The following SNN variants were observed in gnomAD, a reference collection of about 807,000 sequenced individuals.
SNN encodes AG8_1.
Under a neutral mutation model 5.3 loss-of-function variants are expected in SNN, and 5 were observed. That is an observed-to-expected ratio of 0.94 (90% CI 0.49 to 1.97). SNN has a LOEUF of 1.97. Ranked by LOEUF, SNN falls within the 30% of genes most tolerant of loss-of-function variation. The probability of loss-of-function intolerance (pLI) is 0.01; values close to 1 mark genes in which losing one functional copy is unlikely to be tolerated. For missense variants in SNN, 127 were observed against 121.6 expected (o/e 1.04, Z -0.21); for synonymous variants, 67 against 52.1 (o/e 1.29, Z -1.24).
rs1204367663 is a variant in SNN, at chr16:11,671,055, G to A, written c.-86+2515G>A. On this transcript the variant is annotated intron_variant, in intron 1 of 1. Transcript: ENST00000329565. This position sits in a 1 kb window ranked among gnomAD's most constrained non-coding sequence, Gnocchi z 4.7. The stretch of plus-strand genomic sequence containing the variant: ...CTGGGGAGGAGTGGCCAAGGGCGGT[G>A]CAGGCCCCCGCTCACCTGGCATGGC... 6.6e-6 allele frequency among the ~76,000 whole-genome samples: 1 copy of A among 152,268 alleles called. No homozygotes were observed. The highest frequency in any genetic ancestry group is 1.5e-5 in the Non-Finnish European group (1 of 68,046).
Position 11,668,955 on chromosome 16 carries a change from G to T in SNN, c.-86+415G>T, listed in dbSNP as rs1040374498. On this transcript the variant is annotated intron_variant, in intron 1 of 1. Transcript: ENST00000329565. The surrounding 1 kb of genome is among the most constrained non-coding windows in gnomAD (Gnocchi z 6.8). The stretch of plus-strand genomic sequence containing the variant: ...GGGGTCCAGGTGACGTCCGGCGCCC[G>T]TCTCGCGGGTAGGGAAACTGAGGCC... Among the ~76,000 whole-genome samples the T allele has an allele frequency of 6.6e-6, 1 of 151,914 alleles. No homozygotes were observed. Among genetic ancestry groups the T allele is most frequent in the African/African-American group, 2.4e-5 (1 of 41,378 alleles).
In SNN at chr16:11,675,968, C is replaced by G; in HGVS notation, c.-85-7C>G. On this transcript the variant is annotated splice_polypyrimidine_tract_variant and splice_region_variant and intron_variant, in intron 1 of 1. Transcript: ENST00000329565. Reference sequence around the variant, plus strand: ...ACCGCAGCTCGTCAACCTGCTTTGTCTTTCAGGACTCCCGTGTCCAGCCTG... The same window carrying G: ...ACCGCAGCTCGTCAACCTGCTTTGTGTTTCAGGACTCCCGTGTCCAGCCTG... 7.1e-7 allele frequency: 1 copy of G among 1,402,660 alleles called. No homozygotes were observed. The highest frequency in any genetic ancestry group is 2.3e-5 in the East Asian group (1 of 42,600). 86.9% of individuals were successfully genotyped at this position (1,402,660 alleles called of 1,614,324 possible).
intron 1 of SNN, among the ~76,000 whole-genome samples, chr16:11,674,478 C>G (rs1255681359): frequency 2.0e-5 from 3 of 152,238 alleles, no homozygotes; most frequent in Admixed American, 6.5e-5. Flanking sequence ...GTGCCTGGAG[C>G]TGGGGACTCT....
intron 1 of SNN, among the ~76,000 whole-genome samples, chr16:11,675,258 CTTTTTTTTTT>C (rs769141223): frequency 1.6e-5 from 2 of 125,312 alleles, no homozygotes; most frequent in African/African-American, 3.0e-5. Context: ...TTTTTTTTTT[CTTTTTTTTTT>C]TTTTTTTTTG....
In SNN at chr16:11,672,969, C is replaced by A. The variant is rs2050275539; in HGVS notation, c.-85-3006C>A. The stretch of plus-strand genomic sequence containing the variant: ...CTACTTCCTGTCCCTGAACCACCCC[C>A]ACCCCCAAACACACACACTTCCCCT... On this transcript the variant is annotated intron_variant, in intron 1 of 1. Coordinates refer to ENST00000329565, the MANE Select transcript of SNN (RefSeq NM_003498.6). The surrounding 1 kb of genome is among the most constrained non-coding windows in gnomAD (Gnocchi z 6.0). 6.6e-6 allele frequency among the ~76,000 whole-genome samples: 1 copy of A among 152,154 alleles called. No homozygotes were observed. The highest frequency in any genetic ancestry group is 6.5e-5 in the Admixed American group (1 of 15,274).
rs946183459 is a variant in SNN at position 11,676,521 on chromosome 16, C to T, written c.*195C>T. 1.1e-5 allele frequency: 7 copies of T among 665,600 alleles called. No homozygotes were observed. Among genetic ancestry groups the T allele is most frequent in the Non-Finnish European group, 1.6e-5 (6 of 386,408 alleles). 41.2% of individuals were successfully genotyped at this position (665,600 alleles called of 1,614,324 possible). A position where few individuals can be genotyped will look rare whatever the true frequency, so the allele number is the denominator to read the frequency against. On this transcript the variant is annotated 3_prime_UTR_variant, in exon 2 of 2. Coordinates refer to ENST00000329565, the MANE Select transcript of SNN (RefSeq NM_003498.6). ...GCTTCCCCTCGGCCTCCAGGTGAGG[C>T]TGCCCATTGCAGGCACTGGGCAGGC...
chr16:11,676,581 T>A lies in SNN; in HGVS notation c.*255T>A. ...CTGGGGCTCATGGCCCTGTAGCGCT[T>A]TTGTTACTTGAATGTCTAGCTGAGC... On this transcript the variant is annotated 3_prime_UTR_variant, in exon 2 of 2. Coordinates refer to ENST00000329565, the MANE Select transcript of SNN (RefSeq NM_003498.6). 3.9e-6 allele frequency: 2 copies of A among 515,260 alleles called. No individual in the cohort carries two copies. The highest frequency in any genetic ancestry group is 6.6e-5 in the South Asian group (2 of 30,340). 31.9% of individuals were successfully genotyped at this position (515,260 alleles called of 1,614,324 possible).
intron 1 of SNN, among the ~76,000 whole-genome samples, chr16:11,670,367 G>A (rs1288093852): frequency 4.6e-5 from 7 of 152,188 alleles, no homozygotes. Context: ...TGCTCATGAT[G>A]TGCCCGGTTG....
chr16:11,670,846 A>T (rs2050262029), intron 1 of SNN, among the ~76,000 whole-genome samples: 1 of 152,204 alleles, frequency 6.6e-6, no homozygotes, highest in South Asian at 2.1e-4. Context: ...GAGGGAGAGC[A>T]GGACAGGAGG....
At chr16:11,669,259 G>A (rs2050250365) in intron 1 of SNN, among the ~76,000 whole-genome samples, 1 of 152,188 alleles carries the variant, frequency 6.6e-6, no homozygotes, top group Non-Finnish European at 1.5e-5. Flanking sequence ...CTGCCACGCC[G>A]CCCGCGCTCA....
chr16:11,673,943 T>G (rs926347392), intron 1 of SNN, among the ~76,000 whole-genome samples: 4 of 152,152 alleles, frequency 2.6e-5, no homozygotes, highest in African/African-American at 9.7e-5. Context: ...GGAGGGCACC[T>G]CCTCTGCCCA....
rs1292308947 is a variant in SNN at position 11,671,512 on chromosome 16, C to T, written c.-86+2972C>T. 6.6e-6 allele frequency among the ~76,000 whole-genome samples: 1 copy of T among 152,126 alleles called. No homozygotes were observed. Among genetic ancestry groups the T allele is most frequent in the African/African-American group, 2.4e-5 (1 of 41,418 alleles). ...TTTTTGCTTCACCTCCCTGCGTGCG[C>T]CTCAGTTTCCTCACCTGCCAGATGG... On this transcript the variant is annotated intron_variant, in intron 1 of 1. Transcript: ENST00000329565. The surrounding 1 kb of genome is among the most constrained non-coding windows in gnomAD (Gnocchi z 4.7).
At position 11,672,722 on chromosome 16, in the gene SNN, C is replaced by T. The variant is rs1338318328; in HGVS notation, c.-85-3253C>T. Among the ~76,000 whole-genome samples, 2 of 152,146 alleles carry T rather than the reference C, an allele frequency of 1.3e-5. No homozygotes were observed. The highest frequency in any genetic ancestry group is 2.9e-5 in the Non-Finnish European group (2 of 68,018). ...CGGCGGGGCAGAACCCCACATCTGG[C>T]TCTGCCCATGCCTCCTGGCCTGGGT... On this transcript the variant is annotated intron_variant, in intron 1 of 1. Transcript: ENST00000329565. The surrounding 1 kb of genome is among the most constrained non-coding windows in gnomAD (Gnocchi z 6.0).
At position 11,676,340 on chromosome 16, in the gene SNN, G is replaced by GCTC; in HGVS notation, c.*17_*19dup. The GCTC allele has an allele frequency of 6.2e-7, 1 of 1,607,208 alleles. No homozygotes were observed. On this transcript the variant is annotated 3_prime_UTR_variant, in exon 2 of 2. Transcript: ENST00000329565. Reference sequence around the variant, plus strand: ...GTCCACGGCTGAGCCAGGATGCAAGGCTCCTGGTCCTGTTTGCAGCCGGCC... The same window carrying GCTC: ...GTCCACGGCTGAGCCAGGATGCAAGGCTCCTCCTGGTCCTGTTTGCAGCCGGCC...
At position 11,671,218 on chromosome 16, in the gene SNN, C is replaced by T. The variant is rs943293430; in HGVS notation, c.-86+2678C>T. On this transcript the variant is annotated intron_variant, in intron 1 of 1. Coordinates refer to ENST00000329565, the MANE Select transcript of SNN (RefSeq NM_003498.6). This position sits in a 1 kb window ranked among gnomAD's most constrained non-coding sequence, Gnocchi z 4.7. ...GCAGGGGGTTCTGGAGAGCCTGGGC[C>T]TTGGATCTTGCTTTTATAGTGGGTG... Among the ~76,000 whole-genome samples the T allele has an allele frequency of 3.9e-5, 6 of 152,104 alleles. No individual in the cohort carries two copies.
rs1157871185 is a variant in SNN at position 11,672,684 on chromosome 16, G to A, written c.-85-3291G>A. Reference sequence around the variant, plus strand: ...AGGCGTGACTGTGGCTCAGTCACTGGGCTCTGTGCTCGCGGCGGGGCAGAA... The same window carrying A: ...AGGCGTGACTGTGGCTCAGTCACTGAGCTCTGTGCTCGCGGCGGGGCAGAA... On this transcript the variant is annotated intron_variant, in intron 1 of 1. Coordinates refer to ENST00000329565, the MANE Select transcript of SNN (RefSeq NM_003498.6). The surrounding 1 kb of genome is among the most constrained non-coding windows in gnomAD (Gnocchi z 6.0). Among the ~76,000 whole-genome samples the A allele has an allele frequency of 6.6e-6, 1 of 152,194 alleles. No individual in the cohort carries two copies. The highest frequency in any genetic ancestry group is 1.5e-5 in the Non-Finnish European group (1 of 68,024).
intron 1 of SNN, among the ~76,000 whole-genome samples, chr16:11,673,402 A>C (rs1385011650): frequency 1.3e-5 from 2 of 152,200 alleles, no homozygotes; most frequent in Non-Finnish European, 2.9e-5. Flanking sequence ...CCAGGGTTGC[A>C]TGCCAAGGCC....
chr16:11,674,295 A>C (rs1346351479), intron 1 of SNN, among the ~76,000 whole-genome samples: 1 of 152,152 alleles, frequency 6.6e-6, no homozygotes, highest in Non-Finnish European at 1.5e-5. Flanking sequence ...CCCCGGGTGC[A>C]GCCAGCGTTT....
chr16:11,675,102 C>T (rs1311020662), intron 1 of SNN, among the ~76,000 whole-genome samples: 1 of 152,114 alleles, frequency 6.6e-6, no homozygotes, highest in African/African-American at 2.4e-5. Flanking sequence ...TGCCGCGTTC[C>T]AGGGGTCTTC....
Sources: allele counts gnomAD v4.1 joint callset (sites outside exome capture counted in the v4.1 genomes callset), GRCh38; gene constraint gnomAD v4.1.1; non-coding constraint Gnocchi (gnomAD v3.1); transcripts MANE v1.5; gene names NCBI Gene and HGNC (gene_info 2026-07-23, HGNC 2026-07-21).